SLC28A3: variants seen among roughly 807,000 people sequenced by gnomAD.
SLC28A3 encodes concentrative Na(+)-nucleoside cotransporter 3.
Under a neutral mutation model 84.2 loss-of-function variants are expected in SLC28A3, and 68 were observed. The observed-to-expected ratio is 0.81, with a 90% CI of 0.66 to 0.99. SLC28A3 has a LOEUF of 0.99. Among genes scored for constraint, SLC28A3 ranks in the 50% least tolerant of loss-of-function variants. SLC28A3 has a pLI of 0.00. For synonymous variants in SLC28A3, 267 were observed against 303.6 expected (o/e 0.88, Z 1.25); for missense variants, 712 against 841.5 (o/e 0.85, Z 1.90).
rs751269744 is a variant in SLC28A3, at chr9:84,297,350, TAGAC to T, written c.784-56_784-53del. 85 of 1,433,870 alleles carry T rather than the reference TAGAC, an allele frequency of 5.9e-5. 1 individual carries two copies. The South Asian group carries it at 6.4e-4, about 11-fold the overall frequency. The allele number at this position is 1,433,870 out of a possible 1,614,324, so 88.8% of individuals were successfully genotyped here. ...TCATTCCAACCACATGACTGGAAAT[TAGAC>T]AGTGCACAGGAATGCTAGGCTCTCA... On this transcript the variant is annotated intron_variant, in intron 7 of 17. Coordinates refer to ENST00000376238, the MANE Select transcript of SLC28A3 (RefSeq NM_001199633.2).
intron 1 of SLC28A3, among the ~76,000 whole-genome samples, chr9:84,324,650 A>T (rs1381725588): frequency 7.0e-6 from 1 of 142,792 alleles, no homozygotes; most frequent in Non-Finnish European, 1.6e-5. Flanking sequence ...ACCCTGTCTT[A>T]AAAAAAAAAA....
intron 9 of SLC28A3, among the ~76,000 whole-genome samples, chr9:84,293,657 A>G (rs1825315868): frequency 6.6e-6 from 1 of 152,146 alleles, no homozygotes; most frequent in Non-Finnish European, 1.5e-5. Context: ...AGCAGGAAGG[A>G]CATGAACTCT....
chr9:84,320,971 GAA>G (rs58560056), intron 1 of SLC28A3, among the ~76,000 whole-genome samples: 3 of 128,472 alleles, frequency 2.3e-5, no homozygotes, highest in Non-Finnish European at 1.8e-5. Context: ...CATCTCAAAA[GAA>G]AAAAAAAAAA....
chr9:84,314,939 T>A (rs1826118761), intron 1 of SLC28A3, among the ~76,000 whole-genome samples: 1 of 152,212 alleles, frequency 6.6e-6, no homozygotes, highest in Admixed American at 6.5e-5. Flanking sequence ...TAGCTGGGCG[T>A]GGTGGCAGGT....
chr9:84,342,845 C>T (rs929332568), upstream of SLC28A3, among the ~76,000 whole-genome samples: 1 of 152,126 alleles, frequency 6.6e-6, no homozygotes, highest in Non-Finnish European at 1.5e-5. Flanking sequence ...GAAAGGCAGC[C>T]AGTCAGGAAC....
At chr9:84,316,333 C>T (rs1826168628) in intron 1 of SLC28A3, among the ~76,000 whole-genome samples, 1 of 152,222 alleles carries the variant, frequency 6.6e-6, no homozygotes, top group Non-Finnish European at 1.5e-5. Flanking sequence ...ATTACATATC[C>T]AAGCTTCCCT....
intron 2 of SLC28A3, among the ~76,000 whole-genome samples, chr9:84,312,542 C>CTTTTTTTTTTTTTTTTTTT (rs35691184): frequency 7.4e-6 from 1 of 134,382 alleles, no homozygotes; most frequent in African/African-American, 2.8e-5. Flanking sequence ...CCCCAAATTC[C>CTTTTTTTTTTTTTTTTTTT]TTTTTTTTTT....
intron 1 of SLC28A3, among the ~76,000 whole-genome samples, chr9:84,333,692 A>T (rs938213796): frequency 2.6e-5 from 4 of 152,190 alleles, no homozygotes; most frequent in Non-Finnish European, 4.4e-5. Flanking sequence ...CACTCTGCTG[A>T]TAGGCATGCA....
the SLC28A3 span, among the ~76,000 whole-genome samples, chr9:84,351,398 C>G: frequency 2.5e-4 from 38 of 152,298 alleles, no homozygotes; most frequent in Non-Finnish European, 5.3e-4. Context: ...GTGGCTCATG[C>G]CTGTAATCCC....
intron 1 of SLC28A3, among the ~76,000 whole-genome samples, chr9:84,337,576 CTGTTT>C (rs1396174982): frequency 6.6e-6 from 1 of 152,112 alleles, no homozygotes; most frequent in Non-Finnish European, 1.5e-5. Flanking sequence ...AGTTTGCTGA[CTGTTT>C]TAAGGTTTAA....
At chr9:84,325,464 G>C (rs1329109881) in intron 1 of SLC28A3, among the ~76,000 whole-genome samples, 1 of 152,208 alleles carries the variant, frequency 6.6e-6, no homozygotes, top group Non-Finnish European at 1.5e-5. Context: ...GTGACTCCCT[G>C]ACCCTGAAAG....
intron 3 of SLC28A3, among the ~76,000 whole-genome samples, chr9:84,306,525 A>T (rs767843895): frequency 6.6e-6 from 1 of 152,160 alleles, no homozygotes; most frequent in Non-Finnish European, 1.5e-5. Flanking sequence ...TTACTGACCC[A>T]TTCCAGTAGC....
chr9:84,279,204 T>C, intron 17 of SLC28A3, 61 bp downstream of exon 17: 2 of 1,415,618 alleles, frequency 1.4e-6, no homozygotes, highest in Admixed American at 4.9e-5. Context: ...AGTGGATATT[T>C]AGGTGTGATT....
chr9:84,314,589 T>C (rs1826102818), intron 1 of SLC28A3, among the ~76,000 whole-genome samples: 1 of 146,034 alleles, frequency 6.8e-6, no homozygotes, highest in African/African-American at 2.6e-5. Context: ...CAAGAATGAA[T>C]AAACATGAAA....
intron 1 of SLC28A3, among the ~76,000 whole-genome samples, chr9:84,330,716 T>C (rs973504376): frequency 7.9e-5 from 12 of 152,242 alleles, no homozygotes; most frequent in South Asian, 2.1e-4. Context: ...ACATGTACTA[T>C]ATGTTTAAAA....
chr9:84,299,393 G>A (rs1825537960), intron 6 of SLC28A3, among the ~76,000 whole-genome samples, 188 bp downstream of exon 6: 1 of 152,086 alleles, frequency 6.6e-6, no homozygotes, highest in African/African-American at 2.4e-5. Context: ...TGAGAATGGA[G>A]CATGAAATAG....
intron 3 of SLC28A3, among the ~76,000 whole-genome samples, chr9:84,307,132 C>CAAAA (rs34204820): frequency 0.11 from 13,016 of 119,284 alleles, 883 homozygotes; most frequent in African/African-American, 0.18. Context: ...CCGTCTCAAC[C>CAAAA]AAAAAAAAAA....
At chr9:84,292,493 CTCTG>C in intron 10 of SLC28A3, 171 bp downstream of exon 10, 1 of 521,838 alleles carries the variant, frequency 1.9e-6, no homozygotes, top group Non-Finnish European at 3.4e-6. Flanking sequence ...CTCTCTCTCT[CTCTG>C]TCTCTCTCTC....
chr9:84,339,815 G>A (rs1827097776), intron 1 of SLC28A3, among the ~76,000 whole-genome samples: 1 of 152,148 alleles, frequency 6.6e-6, no homozygotes, highest in African/African-American at 2.4e-5. Context: ...TCCTGTCAAA[G>A]CCCTTTTACC....
Sources: gnomAD v4.1 joint callset for allele counts (sites outside exome capture counted in the v4.1 genomes callset) on GRCh38, gnomAD v4.1.1 for gene constraint, MANE v1.5 for transcripts, NCBI Gene and HGNC (gene_info 2026-07-23, HGNC 2026-07-21) for gene names.